ZNF385D: variants seen among roughly 807,000 people sequenced by gnomAD.
ZNF385D encodes zinc finger protein 385D, also known as zinc finger protein 659.
A neutral mutation model predicts 35.8 loss-of-function variants in ZNF385D; 15 were observed. That is an observed-to-expected ratio of 0.42 (90% CI 0.28 to 0.64). ZNF385D has a LOEUF of 0.64. Ranked by LOEUF, ZNF385D falls within the 30% of genes least tolerant of loss-of-function variation. ZNF385D has a pLI of 0.23. For synonymous variants in ZNF385D, 212 were observed against 186.8 expected (o/e 1.13, Z -1.10); for missense variants, 474 against 494.6 (o/e 0.96, Z 0.39).
chr3:21,541,038 G>T (rs1193393490), intron 3 of ZNF385D, among the ~76,000 whole-genome samples: 2 of 152,174 alleles, frequency 1.3e-5, no homozygotes, highest in African/African-American at 4.8e-5. Flanking sequence ...GGCCAGTGTT[G>T]GGTGTAAGTA....
In ZNF385D at chr3:21,844,871, A is replaced by C. The variant is rs4858022; in HGVS notation, c.326-179843T>G. 4.8e-3 allele frequency among the ~76,000 whole-genome samples: 736 copies of C among 152,086 alleles called. 26 individuals are homozygous for C. Among genetic ancestry groups the C allele is most frequent in the Admixed American group, 0.045 (687 of 15,232 alleles). On this transcript the variant is annotated intron_variant, in intron 3 of 5. Coordinates refer to the ZNF385D transcript ENST00000494108. ...AAATACAAGTATCAGTATATAGCAT[A>C]CACTGAGATAATTTAAGAGATCTTG...
intron 3 of ZNF385D, among the ~76,000 whole-genome samples, chr3:21,780,569 T>G (rs1200834271): frequency 6.6e-6 from 1 of 152,064 alleles, no homozygotes; most frequent in African/African-American, 2.4e-5. Flanking sequence ...AGCATTTGCT[T>G]TTTCCTTTCT....
chr3:21,795,955 C>T (rs1343167695), intron 3 of ZNF385D, among the ~76,000 whole-genome samples: 3 of 152,170 alleles, frequency 2.0e-5, no homozygotes, highest in African/African-American at 7.2e-5. Flanking sequence ...GAACTTAAGG[C>T]ATACATTTGA....
At chr3:21,435,147 A>C (rs1701486633) in intron 5 of ZNF385D, among the ~76,000 whole-genome samples, 1 of 152,110 alleles carries the variant, frequency 6.6e-6, no homozygotes. Flanking sequence ...AGTAGAGATA[A>C]GGACCTGGAA....
intron 3 of ZNF385D, among the ~76,000 whole-genome samples, chr3:21,969,817 T>A (rs1228772638): frequency 1.1e-4 from 16 of 151,996 alleles, no homozygotes; most frequent in Admixed American, 8.5e-4. Context: ...GCTTCAGGGG[T>A]GCCTGTGTCA....
At chr3:22,320,595 A>G (rs563160200) in intron 2 of ZNF385D, among the ~76,000 whole-genome samples, 1 of 150,372 alleles carries the variant, frequency 6.7e-6, no homozygotes, top group African/African-American at 2.4e-5. Context: ...AGTAACAGGA[A>G]CTAAAGTTTT....
intron 3 of ZNF385D, among the ~76,000 whole-genome samples, chr3:22,077,001 CTT>C (rs1447975610): frequency 6.6e-6 from 1 of 151,848 alleles, no homozygotes; most frequent in Non-Finnish European, 1.5e-5. Context: ...TATAAGGACT[CTT>C]TGGTTAGAGG....
chr3:21,825,262 C>T (rs933217576), intron 3 of ZNF385D, among the ~76,000 whole-genome samples: 1 of 152,166 alleles, frequency 6.6e-6, no homozygotes, highest in African/African-American at 2.4e-5. Context: ...ACCCCCTTGG[C>T]TCTATGAAGC....
intron 3 of ZNF385D, among the ~76,000 whole-genome samples, chr3:21,776,155 C>T (rs115190511): frequency 6.6e-6 from 1 of 151,888 alleles, no homozygotes; most frequent in African/African-American, 2.4e-5. Context: ...TATTTACATA[C>T]ACATTCTTTT....
At chr3:21,609,042 C>G (rs2064586080) in intron 2 of ZNF385D, among the ~76,000 whole-genome samples, 1 of 152,160 alleles carries the variant, frequency 6.6e-6, no homozygotes, top group Non-Finnish European at 1.5e-5. Flanking sequence ...AACTATCAAG[C>G]ACTTTCATGA....
intron 3 of ZNF385D, among the ~76,000 whole-genome samples, chr3:21,998,702 A>G (rs1421153179): frequency 6.6e-6 from 1 of 152,222 alleles, no homozygotes; most frequent in Non-Finnish European, 1.5e-5. Flanking sequence ...TTTTAAAAAT[A>G]TTTTGAGAAT....
intron 3 of ZNF385D, among the ~76,000 whole-genome samples, chr3:21,821,247 C>T (rs7622438): frequency 0.78 from 118,370 of 151,876 alleles, 46,672 homozygotes; most frequent in Middle Eastern, 0.85. Flanking sequence ...AAATCTCCAC[C>T]AAGCGTTGAG....
chr3:22,291,330 C>G (rs141204098), intron 2 of ZNF385D, among the ~76,000 whole-genome samples: 1 of 152,214 alleles, frequency 6.6e-6, no homozygotes, highest in East Asian at 1.9e-4. Flanking sequence ...ATTTAACCAT[C>G]AAGACCCATT....
chr3:21,608,012 C>CTTTTTTTTTTTTTTTTTT (rs368555930), intron 2 of ZNF385D, among the ~76,000 whole-genome samples: 17 of 123,944 alleles, frequency 1.4e-4, no homozygotes, highest in African/African-American at 5.3e-4. Flanking sequence ...TCTTTTTCTT[C>CTTTTTTTTTTTTTTTTTT]TTTTTTTTTT....
intron 3 of ZNF385D, among the ~76,000 whole-genome samples, chr3:21,872,484 T>C (rs1697746432): frequency 6.6e-6 from 1 of 152,198 alleles, no homozygotes; most frequent in African/African-American, 2.4e-5. Context: ...AAACATATTG[T>C]TGGTCTTATG....
rs117603063 is a variant in ZNF385D at position 21,936,383 on chromosome 3, T to G, written c.325+232434A>C. 9.3e-4 allele frequency among the ~76,000 whole-genome samples: 117 copies of G among 125,542 alleles called. No homozygotes were observed. The East Asian group carries it at 0.028, about 30-fold the overall frequency. 82.4% of individuals were successfully genotyped at this position (125,542 alleles called of 152,430 possible). A position where few individuals can be genotyped will look rare whatever the true frequency, so the allele number is the denominator to read the frequency against. ...AGTAGTGTGAGCATATTAGCTGAGATGTGTAACAATTTTTTTTTTTTGGCT... is the reference window on the plus strand; with the variant it reads ...AGTAGTGTGAGCATATTAGCTGAGAGGTGTAACAATTTTTTTTTTTTGGCT... On this transcript the variant is annotated intron_variant, in intron 3 of 5. Transcript: ENST00000494108.
rs988047252 is a variant in ZNF385D at position 21,836,634 on chromosome 3, T to C, written c.326-171606A>G. ...CTATCACAGCCACTCAACTCTACTATTGTAGCCAAAAAGAAACCATAGTAT... is the reference window on the plus strand; with the variant it reads ...CTATCACAGCCACTCAACTCTACTACTGTAGCCAAAAAGAAACCATAGTAT... On this transcript the variant is annotated intron_variant, in intron 3 of 5. Transcript: ENST00000494108. Among the ~76,000 whole-genome samples the C allele has an allele frequency of 5.9e-5, 9 of 152,100 alleles. No individual in the cohort carries two copies. The East Asian group carries it at 1.4e-3, about 23-fold the overall frequency.
intron 3 of ZNF385D, among the ~76,000 whole-genome samples, chr3:22,164,761 G>A (rs1576429650): frequency 6.6e-6 from 1 of 151,966 alleles, no homozygotes; most frequent in Admixed American, 6.6e-5. Context: ...ATAGCCATAG[G>A]ACCTCATGTG....
At chr3:22,235,545 T>C (rs1448136505) in intron 2 of ZNF385D, among the ~76,000 whole-genome samples, 1 of 152,128 alleles carries the variant, frequency 6.6e-6, no homozygotes, top group Non-Finnish European at 1.5e-5. Context: ...TCAACTCTTA[T>C]GCTAAACAGT....
Sources: allele counts gnomAD v4.1 joint callset (sites outside exome capture counted in the v4.1 genomes callset), GRCh38; gene constraint gnomAD v4.1.1; transcripts MANE v1.5; gene names NCBI Gene and HGNC (gene_info 2026-07-23, HGNC 2026-07-21).